RGS7: variants seen among roughly 807,000 people sequenced by gnomAD.
RGS7 encodes regulator of G-protein signaling 7.
RGS7 carries 27 observed loss-of-function variants against 81.1 expected under a neutral mutation model. The ratio of observed to expected loss-of-function variants is 0.33; its 90% CI spans 0.25 to 0.46. The LOEUF (loss-of-function observed/expected upper bound fraction) is 0.46, where lower values mean the gene tolerates loss of function less well. Among genes scored for constraint, RGS7 ranks in the 20% least tolerant of loss-of-function variants. The probability of loss-of-function intolerance (pLI) is 1.00; values close to 1 mark genes in which losing one functional copy is unlikely to be tolerated. For missense variants in RGS7, 396 were observed against 607.4 expected, an observed-to-expected ratio of 0.65 and a Z score of 3.66; for synonymous variants, 208 against 207.7, an observed-to-expected ratio of 1.00 and a Z score of -0.01.
chr1:241,101,735 T>C (rs2064756242), intron 2 of RGS7, among the ~76,000 whole-genome samples: 1 of 152,202 alleles, frequency 6.6e-6, no homozygotes, highest in South Asian at 2.1e-4. Context: ...AATAAGCTGC[T>C]TTGTCCTGCC....
At chr1:241,117,332 A>T (rs993515890) in intron 2 of RGS7, among the ~76,000 whole-genome samples, 2 of 152,194 alleles carry the variant, frequency 1.3e-5, no homozygotes, top group Non-Finnish European at 2.9e-5. Context: ...GCCTGGATGT[A>T]CAGGATTTTT....
intron 2 of RGS7, among the ~76,000 whole-genome samples, chr1:241,250,004 A>C (rs936700908): frequency 1.3e-5 from 2 of 152,182 alleles, no homozygotes; most frequent in African/African-American, 4.8e-5. Flanking sequence ...AACCAATCAC[A>C]TGTTGTTTGA....
intron 18 of RGS7, among the ~76,000 whole-genome samples, chr1:240,788,852 A>C (rs1404383372): frequency 1.3e-5 from 2 of 152,190 alleles, no homozygotes; most frequent in African/African-American, 4.8e-5. Context: ...AAAATAATGA[A>C]GTAGGCAGGG....
At chr1:241,005,054 A>C (rs2058612901) in intron 3 of RGS7, among the ~76,000 whole-genome samples, 1 of 152,162 alleles carries the variant, frequency 6.6e-6, no homozygotes, top group African/African-American at 2.4e-5. Context: ...GCTCACATAC[A>C]TGAGGTGCCC....
rs74674090 is a variant in RGS7, at chr1:240,962,982, T to C, written c.226+20097A>G. Among the ~76,000 whole-genome samples the C allele has an allele frequency of 6.9e-3, 1,049 of 152,284 alleles. 15 individuals are homozygous for C. Among genetic ancestry groups the C allele is most frequent in the African/African-American group, 0.024 (1,001 of 41,550 alleles). On this transcript the variant is annotated intron_variant, in intron 4 of 18. Coordinates refer to ENST00000440928, the MANE Select transcript of RGS7 (RefSeq NM_001364886.1). ...GGAAAATGGGGGGATCTATTAGTTATTGAACTTCAGAAGAGACATGATTAG... is the reference window on the plus strand; with the variant it reads ...GGAAAATGGGGGGATCTATTAGTTACTGAACTTCAGAAGAGACATGATTAG...
chr1:240,906,359 G>A (rs140906127), intron 6 of RGS7, among the ~76,000 whole-genome samples: 17 of 152,234 alleles, frequency 1.1e-4, no homozygotes, highest in Non-Finnish European at 2.5e-4. Context: ...GTGTGCTGGT[G>A]ACTCCATTCC....
intron 10 of RGS7, among the ~76,000 whole-genome samples, chr1:240,822,827 G>A (rs1345330115): frequency 9.2e-5 from 14 of 152,176 alleles, no homozygotes; most frequent in Admixed American, 9.2e-4. Context: ...GCTGAAGCAT[G>A]ATATGGTAAC....
At chr1:240,855,644 C>A (rs1406388825) in intron 9 of RGS7, among the ~76,000 whole-genome samples, 2 of 151,946 alleles carry the variant, frequency 1.3e-5, no homozygotes, top group African/African-American at 2.4e-5. Context: ...TATTTAACCA[C>A]CCCGGTAAGT....
Position 240,779,361 on chromosome 1 carries a change from G to C in RGS7, c.*7-3148C>G, listed in dbSNP as rs548550153. ...AGTAGGGCCAGCTTTTGCCATTTTGGCCAGCCTGGTCCCAAACTCCTGACC... is the reference window on the plus strand; with the variant it reads ...AGTAGGGCCAGCTTTTGCCATTTTGCCCAGCCTGGTCCCAAACTCCTGACC... On this transcript the variant is annotated intron_variant, in intron 18 of 18. Transcript: ENST00000440928. Among the ~76,000 whole-genome samples, 6 of 152,102 alleles carry C rather than the reference G, an allele frequency of 3.9e-5. No homozygotes were observed. The South Asian group carries it at 1.2e-3, about 32-fold the overall frequency.
chr1:241,333,111 T>C (rs888077120), intron 2 of RGS7, among the ~76,000 whole-genome samples: 1 of 152,244 alleles, frequency 6.6e-6, no homozygotes, highest in African/African-American at 2.4e-5. Flanking sequence ...TGTTGTAGTT[T>C]AGAACAGACT....
At chr1:240,826,254 C>T (rs1692805049) in intron 10 of RGS7, among the ~76,000 whole-genome samples, 1 of 152,086 alleles carries the variant, frequency 6.6e-6, no homozygotes, top group South Asian at 2.1e-4. Context: ...AGGTAAACTG[C>T]CTTAAAAGAA....
At chr1:240,913,663 G>C (rs1672118980) in intron 6 of RGS7, among the ~76,000 whole-genome samples, 1 of 152,042 alleles carries the variant, frequency 6.6e-6, no homozygotes, top group Admixed American at 6.6e-5. Context: ...GAAGTTATAT[G>C]AAAGTCCATC....
rs2077920157 is a variant in RGS7, at chr1:241,271,890, TG to T, written c.78+83808del. On this transcript the variant is annotated intron_variant, in intron 2 of 18. Transcript: ENST00000440928. This position sits in a 1 kb window ranked among gnomAD's most constrained non-coding sequence, Gnocchi z 4.6. The stretch of plus-strand genomic sequence containing the variant: ...ACAAGCCAAATCTTTATAACGTGTG[TG>T]TGTGTGTGTGTGTGTGTGTGTGTGT... Among the ~76,000 whole-genome samples, 1 of 17,276 alleles carries T rather than the reference TG, an allele frequency of 5.8e-5. No individual in the cohort carries two copies. Among genetic ancestry groups the T allele is most frequent in the Non-Finnish European group, 1.2e-4 (1 of 8,032 alleles). 11.3% of individuals were successfully genotyped at this position (17,276 alleles called of 152,430 possible).
chr1:241,207,924 G>T (rs1032099408), intron 2 of RGS7, among the ~76,000 whole-genome samples: 4 of 151,992 alleles, frequency 2.6e-5, no homozygotes, highest in African/African-American at 9.7e-5. Context: ...TTTTTTCTTT[G>T]AGATGGAATC....
At chr1:240,781,030 TA>T (rs1683959158) in intron 18 of RGS7, among the ~76,000 whole-genome samples, 1 of 139,292 alleles carries the variant, frequency 7.2e-6, no homozygotes, top group Non-Finnish European at 1.5e-5. Context: ...TTTATCAATT[TA>T]TAAAAAAAAA....
chr1:241,075,474 A>T (rs1360868984), intron 3 of RGS7, among the ~76,000 whole-genome samples: 3 of 152,090 alleles, frequency 2.0e-5, no homozygotes, highest in Admixed American at 6.5e-5. Context: ...TCATCTCAGA[A>T]TTTTCCATAT....
rs184309523 is a variant in RGS7, at chr1:240,876,790, A to G, written c.386-6671T>C. On this transcript the variant is annotated intron_variant, in intron 6 of 18. Coordinates refer to ENST00000440928, the MANE Select transcript of RGS7 (RefSeq NM_001364886.1). ...AGCCTGGATAACATGGTGAAACCCA[A>G]TCTCTACTAAAATACAAAAAATTAG... 4.4e-3 allele frequency among the ~76,000 whole-genome samples: 672 copies of G among 152,154 alleles called. 7 individuals carry two copies. Among genetic ancestry groups the G allele is most frequent in the Non-Finnish European group, 4.8e-3 (324 of 67,998 alleles).
Position 240,827,192 on chromosome 1 carries a change from GA to G in RGS7, c.610-21del. On this transcript the variant is annotated intron_variant, in intron 9 of 18. Coordinates refer to ENST00000440928, the MANE Select transcript of RGS7 (RefSeq NM_001364886.1). ...TCCAGGCTGGGAATGGAAAAACAGAGAGACAAATGAATCTTTGGGTGTGAAA... is the reference window on the plus strand; with the variant it reads ...TCCAGGCTGGGAATGGAAAAACAGAGGACAAATGAATCTTTGGGTGTGAAA... 5 of 1,583,414 alleles carry G rather than the reference GA, an allele frequency of 3.2e-6. No homozygotes were observed. Among genetic ancestry groups the G allele is most frequent in the Non-Finnish European group, 4.3e-6 (5 of 1,152,066 alleles).
intron 2 of RGS7, among the ~76,000 whole-genome samples, chr1:241,195,500 T>G (rs1301249999): frequency 6.6e-6 from 1 of 151,408 alleles, no homozygotes; most frequent in Non-Finnish European, 1.5e-5. Context: ...AATAAATAAA[T>G]AAAGATTTGA....
Sources: gnomAD v4.1 joint callset for allele counts (sites outside exome capture counted in the v4.1 genomes callset) on GRCh38, gnomAD v4.1.1 for gene constraint, Gnocchi (gnomAD v3.1) non-coding constraint, MANE v1.5 for transcripts, NCBI Gene and HGNC (gene_info 2026-07-23, HGNC 2026-07-21) for gene names.